The following KCNMB2 variants were observed in gnomAD, a reference collection of about 807,000 sequenced individuals.
KCNMB2 encodes potassium calcium-activated channel subfamily M regulatory beta subunit 2.
Under a neutral mutation model 24.5 loss-of-function variants are expected in KCNMB2, and 9 were observed. The ratio of observed to expected loss-of-function variants is 0.37; its 90% CI spans 0.22 to 0.64. KCNMB2 has a LOEUF of 0.64. Ranked by LOEUF, KCNMB2 falls within the 30% of genes least tolerant of loss-of-function variation. The probability of loss-of-function intolerance (pLI) is 0.63; values close to 1 mark genes in which losing one functional copy is unlikely to be tolerated. For synonymous variants in KCNMB2, 109 were observed against 104.4 expected, an observed-to-expected ratio of 1.04 and a Z score of -0.27; for missense variants, 226 against 284.3, an observed-to-expected ratio of 0.79 and a Z score of 1.47.
At chr3:178,812,811 TCAGA>T (rs1486594505) in intron 2 of KCNMB2, among the ~76,000 whole-genome samples, 2 of 152,170 alleles carry the variant, frequency 1.3e-5, no homozygotes, top group African/African-American at 4.8e-5. Flanking sequence ...TTTGTCCACC[TCAGA>T]CAAACACCTC....
At position 178,804,367 on chromosome 3, in the gene KCNMB2, C is replaced by A. The variant is rs973206863; in HGVS notation, c.-67-2976C>A. 3.3e-5 allele frequency among the ~76,000 whole-genome samples: 5 copies of A among 152,066 alleles called. No homozygotes were observed. The South Asian group carries it at 6.2e-4, about 19-fold the overall frequency. ...GAAATTTTTTTAACCTGCACAGAAC[C>A]TTTGTACTGTTGCCTTTAAAGCAGC... On this transcript the variant is annotated intron_variant, in intron 1 of 4. Coordinates refer to ENST00000452583, the MANE Select transcript of KCNMB2 (RefSeq NM_181361.3).
intron 1 of KCNMB2, among the ~76,000 whole-genome samples, chr3:178,723,976 T>C (rs1297891262): frequency 6.6e-6 from 1 of 152,156 alleles, no homozygotes; most frequent in East Asian, 1.9e-4. Context: ...AGTAGAACTA[T>C]TTATTTTCCT....
At chr3:178,675,320 T>G (rs758930239) in intron 1 of KCNMB2, among the ~76,000 whole-genome samples, 5 of 152,230 alleles carry the variant, frequency 3.3e-5, no homozygotes, top group African/African-American at 9.6e-5. Context: ...TTGATGAGGT[T>G]TGAAACAAAG....
chr3:178,620,950 GC>G (rs1718900565), intron 1 of KCNMB2, among the ~76,000 whole-genome samples: 1 of 152,170 alleles, frequency 6.6e-6, no homozygotes, highest in African/African-American at 2.4e-5. Context: ...GCAGTTTGAA[GC>G]CAAATTGAAA....
intron 1 of KCNMB2, among the ~76,000 whole-genome samples, chr3:178,687,500 T>C (rs1461662046): frequency 6.6e-6 from 1 of 151,218 alleles, no homozygotes. Context: ...AATGCTGAAC[T>C]GTGCTGCTTA....
At chr3:178,685,125 T>C (rs1228028760) in intron 1 of KCNMB2, among the ~76,000 whole-genome samples, 1 of 152,100 alleles carries the variant, frequency 6.6e-6, no homozygotes, top group African/African-American at 2.4e-5. Context: ...GGCCACAAAC[T>C]GAGAAGAGAG....
At chr3:178,645,045 ATTTTTTT>A (rs10576689) in intron 1 of KCNMB2, among the ~76,000 whole-genome samples, 2 of 92,452 alleles carry the variant, frequency 2.2e-5, no homozygotes, top group Admixed American at 1.1e-4. Context: ...AAGATCCAAG[ATTTTTTT>A]TTTTTTTTTT....
chr3:178,838,591 G>A (rs975383221), intron 4 of KCNMB2, among the ~76,000 whole-genome samples: 1 of 150,196 alleles, frequency 6.7e-6, no homozygotes, highest in Non-Finnish European at 1.5e-5. Flanking sequence ...AAAAAGCAAG[G>A]TGCCTGTGTG....
intron 1 of KCNMB2, among the ~76,000 whole-genome samples, chr3:178,643,483 T>C (rs1719800495): frequency 6.6e-6 from 1 of 152,226 alleles, no homozygotes; most frequent in South Asian, 2.1e-4. Flanking sequence ...TTTTATATTG[T>C]ATTACAGTTG....
intron 1 of KCNMB2, among the ~76,000 whole-genome samples, chr3:178,572,957 T>C (rs556250201): frequency 2.0e-4 from 30 of 152,216 alleles, no homozygotes; most frequent in Non-Finnish European, 3.7e-4. Flanking sequence ...CAGTAAATAT[T>C]GTAGTAGGTT....
At chr3:178,612,571 T>G (rs149314696) in intron 1 of KCNMB2, among the ~76,000 whole-genome samples, 2,184 of 152,302 alleles carry the variant, frequency 0.014, 29 homozygotes, top group Non-Finnish European at 0.022. Flanking sequence ...CTCTTTTTTG[T>G]TTTTATTGGT....
At chr3:178,825,799 T>C (rs1714811429) in intron 3 of KCNMB2, 41 bp downstream of exon 3, 1 of 1,527,768 alleles carries the variant, frequency 6.5e-7, no homozygotes, top group African/African-American at 1.4e-5. Context: ...GTTTGTCTCC[T>C]GCTCCATCCT....
rs1719273041 is a variant in KCNMB2 at position 178,630,354 on chromosome 3, G to T, written c.-68+93643G>T. Among the ~76,000 whole-genome samples the T allele has an allele frequency of 3.3e-5, 5 of 152,310 alleles. No homozygotes were observed. In the South Asian group the frequency reaches 1.0e-3, roughly 32 times the overall value. ...CAAAATCATCTTCGAAATAAAATAA[G>T]TGTTCCAGCATCTCCTCCCAACGGG... On this transcript the variant is annotated intron_variant, in intron 1 of 4. Transcript: ENST00000452583.
chr3:178,789,353 T>C (rs1235843814), intron 1 of KCNMB2, among the ~76,000 whole-genome samples: 1 of 152,138 alleles, frequency 6.6e-6, no homozygotes, highest in African/African-American at 2.4e-5. Flanking sequence ...GACAACCTAA[T>C]AGAACCCTCC....
chr3:178,797,173 A>C (rs1340141434), intron 1 of KCNMB2, among the ~76,000 whole-genome samples: 1 of 152,166 alleles, frequency 6.6e-6, no homozygotes, highest in African/African-American at 2.4e-5. Context: ...ACAATCCACT[A>C]AAATTGAACC....
intron 1 of KCNMB2, among the ~76,000 whole-genome samples, chr3:178,781,174 T>C (rs908087184): frequency 4.0e-5 from 6 of 151,760 alleles, no homozygotes; most frequent in African/African-American, 1.2e-4. Flanking sequence ...ATTATTTTAA[T>C]GTAATACTAG....
rs11719985 is a variant in KCNMB2, at chr3:178,562,274, G to C, written c.-68+25563G>C. On this transcript the variant is annotated intron_variant, in intron 1 of 4. Transcript: ENST00000452583. ...ATCACTCACTGACTTCTATGAAATAGGTCTTAGTAAGTGGAGGGTCTGTTG... is the reference window on the plus strand; with the variant it reads ...ATCACTCACTGACTTCTATGAAATACGTCTTAGTAAGTGGAGGGTCTGTTG... Among the ~76,000 whole-genome samples the C allele has an allele frequency of 4.7e-3, 718 of 152,332 alleles. 6 individuals are homozygous for C. The highest frequency in any genetic ancestry group is 7.2e-3 in the Non-Finnish European group (487 of 68,032).
rs181654671 is a variant in KCNMB2, at chr3:178,796,758, G to A, written c.-67-10585G>A. On this transcript the variant is annotated intron_variant, in intron 1 of 4. Transcript: ENST00000452583. ...TGGGATACAGTGAAAGCAGTAGTAA[G>A]AGGAAAGTTTATAGCAGTAAACACC... is the stretch of plus-strand genomic sequence containing the variant. 3.5e-3 allele frequency among the ~76,000 whole-genome samples: 528 copies of A among 152,210 alleles called. 5 individuals are homozygous for A. Among genetic ancestry groups the A allele is most frequent in the Non-Finnish European group, 4.2e-3 (285 of 67,984 alleles).
At chr3:178,565,981 A>G (rs1023450081) in intron 1 of KCNMB2, among the ~76,000 whole-genome samples, 5 of 152,230 alleles carry the variant, frequency 3.3e-5, no homozygotes, top group African/African-American at 1.2e-4. Flanking sequence ...TTGAAGGTAG[A>G]CAAACTAAAT....
Sources: allele counts gnomAD v4.1 joint callset (sites outside exome capture counted in the v4.1 genomes callset), GRCh38; gene constraint gnomAD v4.1.1; transcripts MANE v1.5; gene names NCBI Gene and HGNC (gene_info 2026-07-23, HGNC 2026-07-21).